The following EFNA5 variants were observed in gnomAD, a reference collection of about 807,000 sequenced individuals.
EFNA5 encodes ephrin-A5.
In EFNA5, 5 loss-of-function variants were observed where a neutral mutation model predicts 22.9. The observed-to-expected ratio is 0.22, with a 90% confidence interval of 0.11 to 0.46. The LOEUF (loss-of-function observed/expected upper bound fraction) is 0.46. Ranked by LOEUF, EFNA5 falls within the 20% of genes least tolerant of loss-of-function variation. The pLI, the probability that EFNA5 is intolerant of heterozygous loss-of-function variation, is 0.99. For synonymous variants in EFNA5, 113 were observed against 112.2 expected, an observed-to-expected ratio of 1.01 and a Z score of -0.04; for missense variants, 237 against 293.3, an observed-to-expected ratio of 0.81 and a Z score of 1.40.
At chr5:107,461,023 C>T (rs767558491) in intron 1 of EFNA5, among the ~76,000 whole-genome samples, 1 of 152,100 alleles carries the variant, frequency 6.6e-6, no homozygotes, top group Non-Finnish European at 1.5e-5. Context: ...AACAGTCCAG[C>T]ATCTCTGAAA....
At chr5:107,454,682 G>A (rs907318868) in intron 1 of EFNA5, among the ~76,000 whole-genome samples, 1 of 152,042 alleles carries the variant, frequency 6.6e-6, no homozygotes, top group African/African-American at 2.4e-5. Context: ...CCATAAAAAA[G>A]CTAAGGTCAT....
At chr5:107,474,029 CA>C (rs775593049) in intron 1 of EFNA5, among the ~76,000 whole-genome samples, 8 of 152,116 alleles carry the variant, frequency 5.3e-5, no homozygotes, top group Non-Finnish European at 1.2e-4. Context: ...CCATAAAAGA[CA>C]GATTGTAAAC....
chr5:107,655,913 A>C (rs1750810598), intron 1 of EFNA5, among the ~76,000 whole-genome samples: 1 of 152,126 alleles, frequency 6.6e-6, no homozygotes. Context: ...ATATGTACTA[A>C]GTTTAAGATA....
intron 1 of EFNA5, among the ~76,000 whole-genome samples, chr5:107,573,489 T>A (rs575560043): frequency 6.6e-6 from 1 of 152,102 alleles, no homozygotes; most frequent in Admixed American, 6.6e-5. Flanking sequence ...TTCATGCTCC[T>A]TATGCAAGCA....
At chr5:107,488,483 G>T (rs1205048925) in intron 1 of EFNA5, among the ~76,000 whole-genome samples, 7 of 152,176 alleles carry the variant, frequency 4.6e-5, no homozygotes, top group African/African-American at 1.7e-4. Flanking sequence ...GAAAGGGTTT[G>T]CAGGGGCTTC....
chr5:107,586,955 T>TA (rs1275998084), intron 1 of EFNA5, among the ~76,000 whole-genome samples: 2 of 152,210 alleles, frequency 1.3e-5, no homozygotes, highest in Non-Finnish European at 2.9e-5. Context: ...GGGGTAATCT[T>TA]ACATGGACAC....
At chr5:107,601,873 A>G (rs762935807) in intron 1 of EFNA5, among the ~76,000 whole-genome samples, 3 of 152,244 alleles carry the variant, frequency 2.0e-5, no homozygotes, top group Admixed American at 6.5e-5. Flanking sequence ...ACAATAAACT[A>G]TGTATGCCAC....
chr5:107,390,710 T>C (rs934734668), intron 2 of EFNA5, among the ~76,000 whole-genome samples: 25 of 150,870 alleles, frequency 1.7e-4, no homozygotes, highest in Admixed American at 1.3e-4. Context: ...TAAATATATA[T>C]AAATTTATAT....
chr5:107,587,437 A>G (rs1027900646), intron 1 of EFNA5, among the ~76,000 whole-genome samples: 2 of 152,210 alleles, frequency 1.3e-5, no homozygotes, highest in African/African-American at 4.8e-5. Context: ...AAGCATTTAC[A>G]CTTGAAACTG....
intron 2 of EFNA5, among the ~76,000 whole-genome samples, chr5:107,395,263 T>A (rs893888320): frequency 6.6e-6 from 1 of 152,088 alleles, no homozygotes; most frequent in East Asian, 1.9e-4. Flanking sequence ...GGTCTCGAAC[T>A]TCTGACCTCA....
At chr5:107,654,327 G>C (rs1450375215) in intron 1 of EFNA5, among the ~76,000 whole-genome samples, 1 of 151,938 alleles carries the variant, frequency 6.6e-6, no homozygotes, top group Non-Finnish European at 1.5e-5. Flanking sequence ...AAGGATTTTT[G>C]TATTTGCCAG....
At chr5:107,424,029 C>T (rs1748740241) in intron 2 of EFNA5, among the ~76,000 whole-genome samples, 1 of 152,066 alleles carries the variant, frequency 6.6e-6, no homozygotes, top group Admixed American at 6.5e-5. Context: ...CATGTCCTCT[C>T]TAAGTAATGA....
At chr5:107,636,510 C>T (rs1352006204) in intron 1 of EFNA5, among the ~76,000 whole-genome samples, 1 of 152,214 alleles carries the variant, frequency 6.6e-6, no homozygotes. Context: ...ATGTAAGTTT[C>T]TTCTGGACAC....
At chr5:107,482,314 A>AAC (rs1410012389) in intron 1 of EFNA5, among the ~76,000 whole-genome samples, 1 of 151,968 alleles carries the variant, frequency 6.6e-6, no homozygotes, top group Admixed American at 6.6e-5. Context: ...GTCTCAAAAA[A>AAC]AAAAAAAATG....
intron 1 of EFNA5, among the ~76,000 whole-genome samples, chr5:107,649,855 T>C (rs1475940271): frequency 1.3e-5 from 2 of 152,132 alleles, no homozygotes; most frequent in African/African-American, 4.8e-5. Flanking sequence ...GACAAATAGA[T>C]TAGTATTTCC....
At chr5:107,653,236 G>C (rs1750767944) in intron 1 of EFNA5, among the ~76,000 whole-genome samples, 1 of 152,038 alleles carries the variant, frequency 6.6e-6, no homozygotes, top group South Asian at 2.1e-4. Flanking sequence ...GACCCACCAA[G>C]ACAAGCAGCT....
intron 1 of EFNA5, among the ~76,000 whole-genome samples, chr5:107,514,593 G>A (rs17160093): frequency 0.041 from 6,178 of 152,170 alleles, 412 homozygotes; most frequent in African/African-American, 0.14. Context: ...CTGCCAGAAG[G>A]AACCATCAAC....
chr5:107,639,963 ATG>A (rs1015755207), intron 1 of EFNA5, among the ~76,000 whole-genome samples: 5 of 152,236 alleles, frequency 3.3e-5, no homozygotes, highest in African/African-American at 1.2e-4. Flanking sequence ...TAAGTTATTT[ATG>A]TGTCACTTAT....
At chr5:107,490,614 ACCTG>A (rs1746778221) in intron 1 of EFNA5, among the ~76,000 whole-genome samples, 1 of 150,282 alleles carries the variant, frequency 6.7e-6, no homozygotes, top group African/African-American at 2.5e-5. Flanking sequence ...GTAGGCTACC[ACCTG>A]CACTGCAAAG....
Sources: allele counts gnomAD v4.1 joint callset (sites outside exome capture counted in the v4.1 genomes callset), GRCh38; gene constraint gnomAD v4.1.1; transcripts MANE v1.5; gene names NCBI Gene and HGNC (gene_info 2026-07-23, HGNC 2026-07-21).